Variants in GULP1 observed in about 807,000 individuals in gnomAD.
GULP1 encodes GULP PTB domain containing engulfment adaptor 1, also known as PTB domain-containing engulfment adapter protein 1.
A neutral mutation model predicts 40.9 loss-of-function variants in GULP1; 19 were observed. The observed-to-expected ratio is 0.46, with a 90% confidence interval of 0.32 to 0.68. The LOEUF is 0.68. GULP1 is among the 30% of genes least tolerant of loss of function. The pLI is 0.03. For missense variants in GULP1, 312 were observed against 362.2 expected, an observed-to-expected ratio of 0.86 and a Z score of 1.12; for synonymous variants, 119 against 117.6, an observed-to-expected ratio of 1.01 and a Z score of -0.08.
intron 2 of GULP1, among the ~76,000 whole-genome samples, chr2:188,456,435 G>T (rs1322720376): frequency 6.6e-6 from 1 of 152,192 alleles, no homozygotes; most frequent in Non-Finnish European, 1.5e-5. Flanking sequence ...GACGAATGTA[G>T]AGCTTGGACT....
chr2:188,370,021 T>A (rs2047394849), intron 1 of GULP1, among the ~76,000 whole-genome samples: 1 of 152,076 alleles, frequency 6.6e-6, no homozygotes, highest in Admixed American at 6.6e-5. Flanking sequence ...TTGTTTTGTA[T>A]TTTTTGTAGA....
intron 1 of GULP1, among the ~76,000 whole-genome samples, chr2:188,321,329 T>C (rs2039949994): frequency 6.6e-6 from 1 of 152,194 alleles, no homozygotes; most frequent in African/African-American, 2.4e-5. Flanking sequence ...TCAAAAGATT[T>C]GAAAATGGCA....
At chr2:188,315,754 A>T (rs1236282334) in intron 1 of GULP1, among the ~76,000 whole-genome samples, 1 of 152,120 alleles carries the variant, frequency 6.6e-6, no homozygotes, top group Non-Finnish European at 1.5e-5. Flanking sequence ...TTAATTTATA[A>T]ATTAGGCACA....
At chr2:188,506,526 A>G (rs889508327) in intron 4 of GULP1, among the ~76,000 whole-genome samples, 3 of 152,008 alleles carry the variant, frequency 2.0e-5, no homozygotes, top group Admixed American at 2.0e-4. Flanking sequence ...AACTTATTAA[A>G]TCCTTAGCAC....
intron 1 of GULP1, among the ~76,000 whole-genome samples, chr2:188,310,813 C>T (rs2037960084): frequency 6.6e-6 from 1 of 152,092 alleles, no homozygotes; most frequent in Admixed American, 6.5e-5. Flanking sequence ...CCCATAATTT[C>T]AATACCAGAG....
chr2:188,536,156 T>G (rs1173983379), intron 6 of GULP1, among the ~76,000 whole-genome samples: 1 of 152,158 alleles, frequency 6.6e-6, no homozygotes, highest in Non-Finnish European at 1.5e-5. Context: ...GTCTGTTTAC[T>G]CTGTTTGATA....
chr2:188,514,710 C>G (rs1377403350), intron 4 of GULP1, among the ~76,000 whole-genome samples: 2 of 152,160 alleles, frequency 1.3e-5, no homozygotes, highest in African/African-American at 2.4e-5. Context: ...TATTTTTACA[C>G]AATTTTAAAT....
At chr2:188,368,222 G>T (rs1434545427) in intron 1 of GULP1, among the ~76,000 whole-genome samples, 3 of 152,114 alleles carry the variant, frequency 2.0e-5, no homozygotes, top group African/African-American at 7.2e-5. Context: ...GGTGTTGAGG[G>T]ATCTATAAAA....
chr2:188,362,660 G>A (rs2046248739), intron 1 of GULP1, among the ~76,000 whole-genome samples: 1 of 152,124 alleles, frequency 6.6e-6, no homozygotes, highest in South Asian at 2.1e-4. Context: ...TCACAAAGGA[G>A]TAACTACAGT....
intron 2 of GULP1, among the ~76,000 whole-genome samples, chr2:188,468,453 A>G (rs2060309065): frequency 6.6e-6 from 1 of 152,216 alleles, no homozygotes; most frequent in African/African-American, 2.4e-5. Context: ...ATATGATTTC[A>G]TAACTTGATT....
chr2:188,583,020 A>G (rs1310453601), intron 9 of GULP1, among the ~76,000 whole-genome samples: 2 of 152,080 alleles, frequency 1.3e-5, no homozygotes, highest in Middle Eastern at 3.2e-3. Flanking sequence ...TAAATTTTTG[A>G]TTGATTTGTT....
chr2:188,541,443 G>A (rs1690452671), intron 7 of GULP1, 125 bp downstream of exon 7: 1 of 839,548 alleles, frequency 1.2e-6, no homozygotes, highest in African/African-American at 1.7e-5. Flanking sequence ...TAAAAAGTCT[G>A]TAAATACTTA....
Position 188,318,752 on chromosome 2 carries a change from T to G in GULP1, c.-172+26586T>G, listed in dbSNP as rs1218827295. ...TTTCTGCATAATCTGCCCCTTAATT[T>G]GCATGTAATTAAAAGCAGGTATAAA... On this transcript the variant is annotated intron_variant, in intron 1 of 11. Coordinates refer to ENST00000409830, the MANE Select transcript of GULP1 (RefSeq NM_016315.4). Among the ~76,000 whole-genome samples, 4 of 152,188 alleles carry G rather than the reference T, an allele frequency of 2.6e-5. No homozygotes were observed. In the East Asian group the frequency reaches 7.7e-4, roughly 29 times the overall value.
At chr2:188,403,829 A>G (rs1274782599) in intron 2 of GULP1, among the ~76,000 whole-genome samples, 5 of 152,332 alleles carry the variant, frequency 3.3e-5, no homozygotes, top group East Asian at 1.9e-4. Flanking sequence ...GGAGCAATCA[A>G]GTATTCAAAC....
At chr2:188,550,540 A>G (rs1052606210) in intron 7 of GULP1, among the ~76,000 whole-genome samples, 14 of 151,646 alleles carry the variant, frequency 9.2e-5, no homozygotes, top group African/African-American at 3.4e-4. Flanking sequence ...TCACACACAC[A>G]TTTTTTAATG....
At chr2:188,492,714 A>G (rs2062514674) in intron 4 of GULP1, among the ~76,000 whole-genome samples, 1 of 152,062 alleles carries the variant, frequency 6.6e-6, no homozygotes, top group Admixed American at 6.6e-5. Flanking sequence ...CAGAAGAAAA[A>G]AAAGTGAAGT....
intron 1 of GULP1, among the ~76,000 whole-genome samples, chr2:188,317,004 G>A (rs1277708056): frequency 6.6e-6 from 1 of 152,118 alleles, no homozygotes; most frequent in Non-Finnish European, 1.5e-5. Flanking sequence ...AGATGCAAAT[G>A]TTAGATAATG....
chr2:188,470,581 C>G (rs1360830771), intron 2 of GULP1, among the ~76,000 whole-genome samples: 1 of 152,076 alleles, frequency 6.6e-6, no homozygotes, highest in Non-Finnish European at 1.5e-5. Context: ...ACTGCTTTGG[C>G]TGTATTCCAT....
At position 188,298,444 on chromosome 2, in the gene GULP1, A is replaced by C. The variant is rs560085057; in HGVS notation, c.-172+6278A>C. On this transcript the variant is annotated intron_variant, in intron 1 of 11. Transcript: ENST00000409830. ...TAAGGAGTCACATTTGAGTAAACAA[A>C]TTTTATTTGAAATTACGTAAATGCA... Among the ~76,000 whole-genome samples, 25 of 152,148 alleles carry C rather than the reference A, an allele frequency of 1.6e-4. No individual in the cohort carries two copies. In the South Asian group the frequency reaches 4.4e-3, roughly 27 times the overall value.
Sources: allele counts gnomAD v4.1 joint callset (sites outside exome capture counted in the v4.1 genomes callset), GRCh38; gene constraint gnomAD v4.1.1; transcripts MANE v1.5; gene names NCBI Gene and HGNC (gene_info 2026-07-23, HGNC 2026-07-21).